AK1: variants seen among roughly 807,000 people sequenced by gnomAD.
AK1 encodes adenylate kinase isoenzyme 1.
AK1 carries 13 observed loss-of-function variants against 23.9 expected under a neutral mutation model. The ratio of observed to expected loss-of-function variants is 0.54; its 90% CI spans 0.35 to 0.86. AK1 has a LOEUF of 0.86. AK1 is among the 40% of genes least tolerant of loss of function. The pLI is 0.01. For synonymous variants in AK1, 97 were observed against 102.8 expected (o/e 0.94, Z 0.34); for missense variants, 214 against 255.1 (o/e 0.84, Z 1.10).
chr9:127,876,790 C>T (rs551149048), intron 1 of AK1, among the ~76,000 whole-genome samples: 47 of 152,238 alleles, frequency 3.1e-4, no homozygotes, highest in African/African-American at 8.7e-4. Context: ...AGTTGGGTTA[C>T]GGGCTAAGCA....
intron 2 of AK1, chr9:127,873,579 G>A (rs146875724): frequency 0.016 from 23,296 of 1,426,890 alleles, 348 homozygotes; most frequent in South Asian, 0.061. Context: ...GACAGTTGCC[G>A]GGGTGGAGGG....
At chr9:127,870,302 A>G (rs1324941838) in intron 5 of AK1, among the ~76,000 whole-genome samples, 1 of 150,106 alleles carries the variant, frequency 6.7e-6, no homozygotes, top group Admixed American at 6.7e-5. Flanking sequence ...AGCCAGGTTC[A>G]AATGATTCTC....
chr9:127,867,877 A>T lies in AK1; in HGVS notation c.*131T>A, dbSNP rs1730321803. On this transcript the variant is annotated 3_prime_UTR_variant, in exon 7 of 7. Transcript: ENST00000644144. Reference sequence around the variant, plus strand: ...TCCTTTAGTGCTCAGCTGTCCATGAAAACAGGATAAGCGGCTTCCTCCGTC... The same window carrying T: ...TCCTTTAGTGCTCAGCTGTCCATGATAACAGGATAAGCGGCTTCCTCCGTC... 1.2e-6 allele frequency: 1 copy of T among 866,696 alleles called. No homozygotes were observed. The highest frequency in any genetic ancestry group is 1.9e-6 in the Non-Finnish European group (1 of 520,264). The allele number at this position is 866,696 out of a possible 1,614,324, so 53.7% of individuals were successfully genotyped here.
At chr9:127,878,933 C>T (rs1198967286), upstream of AK1, among the ~76,000 whole-genome samples, 2 of 152,042 alleles carry the variant, frequency 1.3e-5, no homozygotes, top group South Asian at 2.1e-4. Context: ...TCAAATGGAC[C>T]GGGCATAATG....
upstream of AK1, among the ~76,000 whole-genome samples, chr9:127,877,933 C>T (rs756088401): frequency 2.6e-5 from 4 of 152,248 alleles, no homozygotes; most frequent in African/African-American, 4.8e-5. The surrounding 1 kb of genome is among the most constrained non-coding windows in gnomAD (Gnocchi z 5.2). Context: ...TTTTCCATTG[C>T]GATACCCCGA....
rs769503890 is a variant in AK1 at position 127,871,895 on chromosome 9, G to C, written c.252C>G (p.Val84=). ...CAATCAGGAAGCCTTTGGAAGTATT[G>C]ACTTTGGCCACCATGGCATCCCGGA... The part of the protein sequence containing the change: ...DMLRDAMVAK[V]NTSKGFLIDG... Residue 84 remains valine (V), a synonymous_variant, in exon 5 of 7, where the codon GTC becomes GTG. Coordinates refer to ENST00000644144, the MANE Select transcript of AK1 (RefSeq NM_000476.3). This position sits in a 1 kb window ranked among gnomAD's most constrained non-coding sequence, Gnocchi z 4.4. 20 of 1,613,982 alleles carry C rather than the reference G, an allele frequency of 1.2e-5. No homozygotes were observed. The highest frequency in any genetic ancestry group is 1.6e-5 in the Non-Finnish European group (19 of 1,180,038).
intron 2 of AK1, chr9:127,874,121 C>T (rs1829484114): frequency 2.0e-6 from 2 of 985,446 alleles, no homozygotes; most frequent in South Asian, 4.7e-5. Context: ...AGGAACTGGA[C>T]GGATGGTGCT....
Position 127,872,011 on chromosome 9 carries a change from C to T in AK1, c.208-72G>A, listed in dbSNP as rs1162087403. On this transcript the variant is annotated intron_variant, in intron 4 of 6. Transcript: ENST00000644144. Reference sequence around the variant, plus strand: ...TCCCTTCTCCCAGCCTCTGCTCACGCTGCTCCTGCCACCTGAAATGCCCTC... The same window carrying T: ...TCCCTTCTCCCAGCCTCTGCTCACGTTGCTCCTGCCACCTGAAATGCCCTC... The T allele has an allele frequency of 2.3e-6, 3 of 1,299,532 alleles. No homozygotes were observed. In the African/African-American group the frequency reaches 4.4e-5, roughly 19 times the overall value. 80.5% of individuals were successfully genotyped at this position (1,299,532 alleles called of 1,614,324 possible). A position where few individuals can be genotyped will look rare whatever the true frequency, so the allele number is the denominator to read the frequency against.
upstream of AK1, among the ~76,000 whole-genome samples, chr9:127,878,131 G>A (rs1372942984): frequency 6.6e-6 from 1 of 152,170 alleles, no homozygotes; most frequent in Non-Finnish European, 1.5e-5. Context: ...CAGTCCCCAA[G>A]CCCGCCCTCA....
intron 2 of AK1, chr9:127,874,341 A>C: frequency 3.0e-6 from 3 of 985,412 alleles, no homozygotes; most frequent in Non-Finnish European, 3.6e-6. Flanking sequence ...TCCATGGGGC[A>C]GGGTCTCAGC....
Position 127,871,877 on chromosome 9 carries a change from G to A in AK1, c.270C>T (p.Phe90=), listed in dbSNP as rs1260918345. The change falls in exon 5 of 7, where the codon TTC becomes TTT. Residue 90 remains phenylalanine, a synonymous_variant. Transcript: ENST00000644144. This position sits in a 1 kb window ranked among gnomAD's most constrained non-coding sequence, Gnocchi z 4.4. ...CCTCCCGCGGGTAGCCATCAATCAG[G>A]AAGCCTTTGGAAGTATTGACTTTGG... The part of the protein sequence containing the change: ...MVAKVNTSKG[F]LIDGYPREVQ... The A allele has an allele frequency of 1.9e-6, 3 of 1,614,124 alleles. No homozygotes were observed. The highest frequency in any genetic ancestry group is 2.5e-6 in the Non-Finnish European group (3 of 1,180,018).
chr9:127,869,401 T>C (rs1829331972), intron 5 of AK1: 1 of 153,536 alleles, frequency 6.5e-6, no homozygotes, highest in African/African-American at 2.4e-5. Context: ...CTTGGGGCAC[T>C]GCCTCTCAGG....
chr9:127,870,829 A>G (rs913985), intron 5 of AK1, among the ~76,000 whole-genome samples: 20,909 of 52,344 alleles, frequency 0.4, 1,866 homozygotes, highest in African/African-American at 0.48. Flanking sequence ...GGGGCATGGG[A>G]ATGGGGCATG....
rs774452787 is a variant in AK1, at chr9:127,871,965, G to A, written c.208-26C>T. On this transcript the variant is annotated intron_variant, in intron 4 of 6. Transcript: ENST00000644144. The surrounding 1 kb of genome is among the most constrained non-coding windows in gnomAD (Gnocchi z 4.4). ...CTGGGGCACAGCAAAGGAGGAAGGG[G>A]CCATGAGCCTCTCCTCCCCATCCCT... The A allele has an allele frequency of 1.3e-6, 2 of 1,575,068 alleles. No homozygotes were observed. The highest frequency in any genetic ancestry group is 1.7e-6 in the Non-Finnish European group (2 of 1,144,868).
Position 127,877,467 on chromosome 9 carries a change from G to A in AK1, c.-33+156C>T, listed in dbSNP as rs1284078080. Among the ~76,000 whole-genome samples the A allele has an allele frequency of 3.3e-5, 5 of 152,150 alleles. No homozygotes were observed. The highest frequency in any genetic ancestry group is 3.3e-4 in the Admixed American group (5 of 15,278). ...CGAGGCACAGATCCCCAGCGCCCGG[G>A]GAACACAGCCACGCAAACACACACG... On this transcript the variant is annotated intron_variant, in intron 1 of 6. Transcript: ENST00000644144. The surrounding 1 kb of genome is among the most constrained non-coding windows in gnomAD (Gnocchi z 5.2).
chr9:127,879,331 A>C (rs1392763474), upstream of AK1, among the ~76,000 whole-genome samples: 2 of 152,120 alleles, frequency 1.3e-5, no homozygotes, highest in African/African-American at 4.8e-5. Flanking sequence ...ATTGGTAAGA[A>C]ATAGGCAAAA....
intron 1 of AK1, among the ~76,000 whole-genome samples, chr9:127,876,365 C>T (rs1829538143): frequency 1.3e-5 from 2 of 152,206 alleles, no homozygotes; most frequent in Non-Finnish European, 2.9e-5. Flanking sequence ...TCCTCACTGC[C>T]ATCTTGGGAG....
chr9:127,872,324 G>A (rs908354766), intron 4 of AK1, among the ~76,000 whole-genome samples: 7 of 152,050 alleles, frequency 4.6e-5, no homozygotes, highest in African/African-American at 1.7e-4. Context: ...GAGAAGTGGG[G>A]CTTCTGGAGT....
chr9:127,870,277 C>G (rs116628811), intron 5 of AK1, among the ~76,000 whole-genome samples: 2,317 of 148,904 alleles, frequency 0.016, 68 homozygotes, highest in African/African-American at 0.053. Context: ...TCTTGGCTCA[C>G]TGCAACCTCC....
Sources: allele counts gnomAD v4.1 joint callset (sites outside exome capture counted in the v4.1 genomes callset), GRCh38; gene constraint gnomAD v4.1.1; non-coding constraint Gnocchi (gnomAD v3.1); transcripts MANE v1.5; gene names NCBI Gene and HGNC (gene_info 2026-07-23, HGNC 2026-07-21).